MTCL1: variants seen among roughly 807,000 people sequenced by gnomAD.
The protein encoded by MTCL1 is microtubule crosslinking factor 1.
MTCL1 carries 79 observed loss-of-function variants against 141.4 expected under a neutral mutation model. The observed-to-expected ratio is 0.56, with a 90% CI of 0.47 to 0.67. MTCL1 has a LOEUF of 0.67. MTCL1 is among the 30% of genes least tolerant of loss of function. MTCL1 has a pLI of 0.00. For synonymous variants in MTCL1, 914 were observed against 875.8 expected (o/e 1.04, Z -0.77); for missense variants, 2,177 against 2,113.9 (o/e 1.03, Z -0.59).
chr18:8,789,856 A>G (rs1291044719), intron 7 of MTCL1: 1 of 295,274 alleles, frequency 3.4e-6, no homozygotes, highest in Admixed American at 6.5e-5. Flanking sequence ...GGTTGTATGC[A>G]GTTGTGTGGC....
chr18:8,726,070 C>T (rs1202511927), intron 4 of MTCL1, among the ~76,000 whole-genome samples: 4 of 151,716 alleles, frequency 2.6e-5, no homozygotes, highest in Admixed American at 6.6e-5. Context: ...GGATTACAGG[C>T]GTGAGCCACC....
intron 1 of MTCL1, among the ~76,000 whole-genome samples, chr18:8,711,577 C>G (rs2096092686): frequency 6.6e-6 from 1 of 151,232 alleles, no homozygotes. Flanking sequence ...TTAATGATTG[C>G]CATTCTAACT....
At chr18:8,774,885 C>T (rs568287507) in intron 4 of MTCL1, among the ~76,000 whole-genome samples, 4 of 152,030 alleles carry the variant, frequency 2.6e-5, no homozygotes, top group Non-Finnish European at 4.4e-5. Flanking sequence ...CCCATGACTC[C>T]CTGCCTGTTC....
chr18:8,705,586 C>A, upstream of MTCL1: 1 of 889,072 alleles, frequency 1.1e-6, no homozygotes, highest in Non-Finnish European at 1.3e-6. This position sits in a 1 kb window ranked among gnomAD's most constrained non-coding sequence, Gnocchi z 5.2. Context: ...GGAGGCTGCA[C>A]GCCGCCGCCG....
At chr18:8,706,769 G>A in intron 1 of MTCL1, 56 bp downstream of exon 1, 1 of 1,535,778 alleles carries the variant, frequency 6.5e-7, no homozygotes, top group Non-Finnish European at 8.7e-7. Context: ...GCCTGGCTGC[G>A]GCGGGGACCC....
exon 6 of MTCL1, chr18:8,783,720 G>A (rs747425095): frequency 1.4e-5 from 22 of 1,606,914 alleles, no homozygotes; most frequent in African/African-American, 4.0e-5. Flanking sequence ...CCCAGCACCC[G>A]GGAGGCCGAG....
chr18:8,721,854 G>A (rs544384798), intron 4 of MTCL1, among the ~76,000 whole-genome samples: 1 of 152,324 alleles, frequency 6.6e-6, no homozygotes, highest in East Asian at 1.9e-4. Context: ...GGCTTTGTCT[G>A]GCTCACTGTG....
chr18:8,823,013 G>T (rs1787968), intron 14 of MTCL1, among the ~76,000 whole-genome samples: 216 of 151,006 alleles, frequency 1.4e-3, no homozygotes, highest in African/African-American at 5.0e-3. Context: ...GACAGAGTAA[G>T]ACTCCGTCTC....
intron 6 of MTCL1, among the ~76,000 whole-genome samples, chr18:8,785,135 A>G (rs1162662855): frequency 6.6e-6 from 1 of 151,684 alleles, no homozygotes; most frequent in Non-Finnish European, 1.5e-5. Context: ...CACGAGGCTG[A>G]GCCCAGTGGA....
intron 14 of MTCL1, among the ~76,000 whole-genome samples, chr18:8,824,332 C>G (rs1019179553): frequency 6.6e-6 from 1 of 152,236 alleles, no homozygotes. Context: ...CGTGGCTCAC[C>G]GTCTTCACCC....
intron 1 of MTCL1, among the ~76,000 whole-genome samples, chr18:8,711,109 A>G (rs1029777041): frequency 1.3e-5 from 2 of 151,388 alleles, no homozygotes; most frequent in African/African-American, 4.9e-5. Context: ...CTCATTGTTC[A>G]ATTCCCACCT....
exon 17 of MTCL1, chr18:8,831,877 G>A: frequency 6.7e-7 from 1 of 1,501,756 alleles, no homozygotes. Flanking sequence ...ACAAAACTCT[G>A]CCCAACAGGA....
chr18:8,785,862 T>C (rs1277746752), intron 6 of MTCL1, 74 bp from the exon 6 acceptor site: 2 of 1,511,612 alleles, frequency 1.3e-6, no homozygotes, highest in African/African-American at 2.8e-5. Context: ...TCCACCCTTG[T>C]CCTTTGTTTG....
At chr18:8,831,863 A>C in exon 17 of MTCL1, 1 of 1,532,154 alleles carries the variant, frequency 6.5e-7, no homozygotes, top group Non-Finnish European at 8.8e-7. Context: ...CACCATCACC[A>C]TGAACAAAAC....
intron 4 of MTCL1, among the ~76,000 whole-genome samples, chr18:8,742,985 A>C (rs948397188): frequency 6.6e-6 from 1 of 152,218 alleles, no homozygotes; most frequent in Non-Finnish European, 1.5e-5. Flanking sequence ...TTGCTTTTCT[A>C]CTTATCACAA....
At chr18:8,803,188 A>G (rs1457191095) in intron 10 of MTCL1, among the ~76,000 whole-genome samples, 2 of 151,950 alleles carry the variant, frequency 1.3e-5, no homozygotes, top group African/African-American at 2.4e-5. Flanking sequence ...AAGAAAAAGA[A>G]AAAGGCTTGG....
chr18:8,732,874 G>A (rs578000019), intron 4 of MTCL1, among the ~76,000 whole-genome samples: 62 of 152,320 alleles, frequency 4.1e-4, no homozygotes, highest in Non-Finnish European at 7.6e-4. Context: ...ATATGCTTTC[G>A]TGTGACCTTC....
chr18:8,827,090 G>A (rs1200423805), intron 15 of MTCL1, among the ~76,000 whole-genome samples: 2 of 152,222 alleles, frequency 1.3e-5, no homozygotes, highest in Non-Finnish European at 2.9e-5. Context: ...CTCGCCAGGA[G>A]TCCGGATGAA....
rs1374949540 is a variant in MTCL1, at chr18:8,775,730, T to C, written c.358-2103T>C. Among the ~76,000 whole-genome samples the C allele has an allele frequency of 2.6e-5, 4 of 152,164 alleles. No homozygotes were observed. The South Asian group carries it at 8.3e-4, about 32-fold the overall frequency. ...GGTTCTCTTTGTAGTGTGACCCACT[T>C]TACCAAAAAGACTAAAGGAAATAAA... On this transcript the variant is annotated intron_variant, in intron 4 of 16. Coordinates refer to ENST00000359865, the Ensembl canonical transcript of MTCL1.
Sources: allele counts gnomAD v4.1 joint callset (sites outside exome capture counted in the v4.1 genomes callset), GRCh38; gene constraint gnomAD v4.1.1; non-coding constraint Gnocchi (gnomAD v3.1); transcripts MANE v1.5; gene names NCBI Gene and HGNC (gene_info 2026-07-23, HGNC 2026-07-21).